Variants in FBN2 observed in about 807,000 individuals in gnomAD.
FBN2 encodes the protein fibrillin 2, also known as fibrillin-2.
A neutral mutation model predicts 355.6 loss-of-function variants in FBN2; 105 were observed. That is an observed-to-expected ratio of 0.30 (90% CI 0.25 to 0.35). The LOEUF (loss-of-function observed/expected upper bound fraction) is 0.35, where lower values mean the gene tolerates loss of function less well. Among genes scored for constraint, FBN2 ranks in the 10% least tolerant of loss-of-function variants. The probability of loss-of-function intolerance (pLI) is 1.00; values close to 1 mark genes in which losing one functional copy is unlikely to be tolerated. For missense variants in FBN2, 3,280 were observed against 3,758.7 expected (o/e 0.87, Z 3.33); for synonymous variants, 1,350 against 1,301.2 (o/e 1.04, Z -0.81).
At chr5:128,490,062 G>A (rs1014659586) in intron 5 of FBN2, among the ~76,000 whole-genome samples, 41 of 152,242 alleles carry the variant, frequency 2.7e-4, no homozygotes, top group African/African-American at 9.1e-4. Flanking sequence ...GCTCATTAAA[G>A]GAAAGCTATC....
At chr5:128,309,145 G>A (rs1469199085) in intron 41 of FBN2, 102 bp downstream of exon 41, 2 of 1,283,408 alleles carry the variant, frequency 1.6e-6, no homozygotes, top group Non-Finnish European at 2.2e-6. Flanking sequence ...TTTTGGAACT[G>A]AGCATCTCTA....
At chr5:128,289,005 T>C in intron 52 of FBN2, 122 bp downstream of exon 52, 1 of 976,812 alleles carries the variant, frequency 1.0e-6, no homozygotes, top group South Asian at 1.4e-5. Flanking sequence ...AAGGTGCCAC[T>C]ACTAGCTATT....
intron 6 of FBN2, among the ~76,000 whole-genome samples, chr5:128,461,497 G>A (rs2127079420): frequency 6.6e-6 from 1 of 152,324 alleles, no homozygotes; most frequent in South Asian, 2.1e-4. Flanking sequence ...AATCCCATTA[G>A]TGGGTGTATA....
chr5:128,416,657 T>C (rs1031658213), intron 7 of FBN2, among the ~76,000 whole-genome samples: 1 of 152,224 alleles, frequency 6.6e-6, no homozygotes, highest in Non-Finnish European at 1.5e-5. Flanking sequence ...CACCATTTAC[T>C]GAAAAGGATG....
rs1351974492 is a variant in FBN2, at chr5:128,261,779, T to A, written c.8321A>T (p.Asp2774Val). 3 of 1,614,118 alleles carry A rather than the reference T, an allele frequency of 1.9e-6. No homozygotes were observed. The highest frequency in any genetic ancestry group is 2.5e-6 in the Non-Finnish European group (3 of 1,180,032). The change falls in exon 64 of 65, where the codon GAC becomes GTC. Residue 2774 changes from aspartate to valine, a missense_variant. Asp to Val is a radical substitution (Grantham distance 152, BLOSUM62 -3). This residue lies in a region of FBN2 where 311 missense variants were observed against 319.1 expected (regional missense o/e 0.97). Transcript: ENST00000262464. The stretch of plus-strand genomic sequence containing the variant: ...ATGAATACTTCTCTTCTGCCTGCTG[T>A]CTTTCTTAGAATAGCCGTTGATTTT... ...ECKINGYSKK[D>V]SRQKRSIHEP...
At chr5:128,287,544 C>T (rs1749189823) in intron 53 of FBN2, 114 bp from the exon 54 acceptor site, 1 of 1,116,476 alleles carries the variant, frequency 9.0e-7, no homozygotes, top group South Asian at 1.3e-5. Context: ...AATAGTAGAA[C>T]TTACACATCT....
intron 6 of FBN2, among the ~76,000 whole-genome samples, chr5:128,454,760 C>T (rs990784962): frequency 6.6e-6 from 1 of 152,104 alleles, no homozygotes; most frequent in Non-Finnish European, 1.5e-5. Flanking sequence ...GTCTGTATTG[C>T]TATTTCTTTA....
At position 128,496,336 on chromosome 5, in the gene FBN2, C is replaced by T. The variant is rs529229228; in HGVS notation, c.628+22937G>A. On this transcript the variant is annotated intron_variant, in intron 5 of 64. Coordinates refer to ENST00000262464, the MANE Select transcript of FBN2 (RefSeq NM_001999.4). Reference sequence around the variant, plus strand: ...AATATATAAAAAAGATTATATACCACGACCCAGTGGGATTAATCCAAGGAA... The same window carrying T: ...AATATATAAAAAAGATTATATACCATGACCCAGTGGGATTAATCCAAGGAA... Among the ~76,000 whole-genome samples, 24 of 152,080 alleles carry T rather than the reference C, an allele frequency of 1.6e-4. No homozygotes were observed. The South Asian group carries it at 3.1e-3, about 20-fold the overall frequency.
chr5:128,404,435 C>G (rs980309990), intron 8 of FBN2, among the ~76,000 whole-genome samples: 1 of 152,182 alleles, frequency 6.6e-6, no homozygotes, highest in Non-Finnish European at 1.5e-5. Context: ...GAATGGGACT[C>G]CTGGTTAGTG....
At chr5:128,475,401 A>T (rs1754982631) in intron 5 of FBN2, among the ~76,000 whole-genome samples, 1 of 152,180 alleles carries the variant, frequency 6.6e-6, no homozygotes, top group Non-Finnish European at 1.5e-5. Context: ...TTTAGACTCA[A>T]CAGAAGTGCA....
At position 128,289,779 on chromosome 5, in the gene FBN2, T is replaced by C. The variant is rs1449748614; in HGVS notation, c.6511+103A>G. ...TTATATACATCCATTAAATACAATA[T>C]ACTATATGTTACATAGTAAAGTTAG... On this transcript the variant is annotated intron_variant, in intron 51 of 64. Transcript: ENST00000262464. 24 of 713,832 alleles carry C rather than the reference T, an allele frequency of 3.4e-5. 1 individual carries two copies. Among genetic ancestry groups the C allele is most frequent in the Middle Eastern group, 7.2e-4 (2 of 2,788 alleles). The allele number at this position is 713,832 out of a possible 1,614,324, so 44.2% of individuals were successfully genotyped here.
At chr5:128,260,548 A>AG (rs1205932860) in intron 64 of FBN2, among the ~76,000 whole-genome samples, 2 of 152,368 alleles carry the variant, frequency 1.3e-5, no homozygotes, top group Non-Finnish European at 2.9e-5. Context: ...GTGGTGACCC[A>AG]GAAGTGCCCA....
chr5:128,532,675 A>G (rs923029181), intron 2 of FBN2, among the ~76,000 whole-genome samples: 1 of 152,200 alleles, frequency 6.6e-6, no homozygotes, highest in East Asian at 1.9e-4. Flanking sequence ...GAAGTAAACT[A>G]ACTCACTAAT....
At chr5:128,360,311 G>T (rs1245704058) in intron 19 of FBN2, among the ~76,000 whole-genome samples, 1 of 152,080 alleles carries the variant, frequency 6.6e-6, no homozygotes, top group Non-Finnish European at 1.5e-5. Context: ...AGAAAATAGA[G>T]ACTCTGTAGT....
intron 7 of FBN2, among the ~76,000 whole-genome samples, chr5:128,415,541 C>G (rs73345302): frequency 0.016 from 2,387 of 152,200 alleles, 55 homozygotes; most frequent in African/African-American, 0.055. Context: ...GTATTTTATT[C>G]TTTTTTATAA....
intron 47 of FBN2, 102 bp downstream of exon 47, chr5:128,301,280 T>C (rs141279966): frequency 9.1e-7 from 1 of 1,097,178 alleles, no homozygotes; most frequent in African/African-American, 1.5e-5. Context: ...CTCTGATGAT[T>C]AAATGAAATA....
intron 8 of FBN2, among the ~76,000 whole-genome samples, chr5:128,403,319 T>C (rs900024546): frequency 6.6e-6 from 1 of 152,234 alleles, no homozygotes; most frequent in Non-Finnish European, 1.5e-5. Flanking sequence ...TATTGTGCAC[T>C]AACACGTTTG....
At chr5:128,463,746 G>T (rs993239009) in intron 6 of FBN2, among the ~76,000 whole-genome samples, 2 of 152,036 alleles carry the variant, frequency 1.3e-5, no homozygotes, top group African/African-American at 2.4e-5. Context: ...ATTTACACAG[G>T]CCCAATAGAT....
chr5:128,369,802 T>C (rs892648387), intron 15 of FBN2, among the ~76,000 whole-genome samples: 7 of 152,212 alleles, frequency 4.6e-5, no homozygotes, highest in Admixed American at 4.6e-4. Flanking sequence ...CTTTCCGAGT[T>C]AGGAGGCCTT....
Sources: allele counts gnomAD v4.1 joint callset (sites outside exome capture counted in the v4.1 genomes callset), GRCh38; gene constraint gnomAD v4.1.1; regional missense constraint gnomAD v4.1.1; transcripts MANE v1.5; gene names NCBI Gene and HGNC (gene_info 2026-07-23, HGNC 2026-07-21).